GPR158: variants seen among roughly 807,000 people sequenced by gnomAD.
GPR158 encodes the protein G protein-coupled receptor 158, also known as metabotropic glycine receptor.
A neutral mutation model predicts 78.2 loss-of-function variants in GPR158; 30 were observed. That is an observed-to-expected ratio of 0.38 (90% CI 0.29 to 0.52). The LOEUF (loss-of-function observed/expected upper bound fraction) is 0.52. Among genes scored for constraint, GPR158 ranks in the 20% least tolerant of loss-of-function variants. The pLI, the probability that GPR158 is intolerant of heterozygous loss-of-function variation, is 0.83. For missense variants in GPR158, 1,463 were observed against 1,523.5 expected, an observed-to-expected ratio of 0.96 and a Z score of 0.66; for synonymous variants, 581 against 591.1, an observed-to-expected ratio of 0.98 and a Z score of 0.25.
chr10:25,600,763 G>GT lies in GPR158; in HGVS notation c.*1490dup, dbSNP rs1021898684. On this transcript the variant is annotated 3_prime_UTR_variant, in exon 11 of 11. Transcript: ENST00000376351. ...CCATTGTGAGCCACTTGCTCGACAT[G>GT]TAACATGTAAGGTCCATTTGCAAAG... 1.3e-4 allele frequency: 20 copies of GT among 152,526 alleles called. No individual in the cohort carries two copies. Among genetic ancestry groups the GT allele is most frequent in the Admixed American group, 1.1e-3 (17 of 15,276 alleles). The allele number at this position is 152,526 out of a possible 1,614,324, so 9.4% of individuals were successfully genotyped here.
intron 2 of GPR158, among the ~76,000 whole-genome samples, chr10:25,323,340 C>T (rs1854982717): frequency 6.6e-6 from 1 of 152,068 alleles, no homozygotes; most frequent in Non-Finnish European, 1.5e-5. Flanking sequence ...AACTCAAAGT[C>T]ACCAGCTGCA....
intron 6 of GPR158, among the ~76,000 whole-genome samples, chr10:25,562,539 CGTTAAGAGTATTT>C (rs1836873197): frequency 6.6e-6 from 1 of 152,126 alleles, no homozygotes; most frequent in Non-Finnish European, 1.5e-5. Flanking sequence ...TTAACCCATT[CGTTAAGAGTATTT>C]TGTTTAATGT....
chr10:25,565,807 G>GGCGA (rs1291421193), intron 6 of GPR158, among the ~76,000 whole-genome samples: 11 of 152,130 alleles, frequency 7.2e-5, no homozygotes, highest in African/African-American at 2.7e-4. Context: ...GGCTGACCGT[G>GGCGA]GTGAGTGATA....
chr10:25,360,354 G>A (rs1035829999), intron 2 of GPR158, among the ~76,000 whole-genome samples: 2 of 151,072 alleles, frequency 1.3e-5, no homozygotes, highest in East Asian at 3.9e-4. Flanking sequence ...GTATTGCCTA[G>A]GTTTTCTTCT....
Position 25,572,725 on chromosome 10 carries a change from G to T in GPR158, c.1591G>T (p.Ala531Ser), listed in dbSNP as rs751390976. 6.2e-7 allele frequency: 1 copy of T among 1,613,962 alleles called. No homozygotes were observed. Among genetic ancestry groups the T allele is most frequent in the Admixed American group, 1.7e-5 (1 of 60,006 alleles). Residue 531 changes from alanine to serine, a missense_variant, in exon 7 of 11, where the codon GCA (alanine) becomes TCA (serine). Ala to Ser is a moderately conservative substitution (Grantham distance 99). Transcript: ENST00000376351. ...MTGGRVMRML[A>S]VILLVVFWFL... ...TGGCGGACGGGTCATGAGGATGCTGGCAGTAATACTCTTGGTAGTGTTTTG... is the reference window on the plus strand; with the variant it reads ...TGGCGGACGGGTCATGAGGATGCTGTCAGTAATACTCTTGGTAGTGTTTTG...
intron 5 of GPR158, among the ~76,000 whole-genome samples, chr10:25,528,798 C>G (rs1334326426): frequency 6.6e-6 from 1 of 152,022 alleles, no homozygotes; most frequent in Non-Finnish European, 1.5e-5. Flanking sequence ...ATAAATGATG[C>G]AAACTAGCTA....
At chr10:25,221,726 G>A (rs1394751951) in intron 2 of GPR158, among the ~76,000 whole-genome samples, 1 of 152,202 alleles carries the variant, frequency 6.6e-6, no homozygotes, top group Non-Finnish European at 1.5e-5. Context: ...TGGAGATCAT[G>A]CTTCTGGAAA....
intron 2 of GPR158, among the ~76,000 whole-genome samples, chr10:25,255,158 A>G (rs553016328): frequency 5.3e-5 from 8 of 152,340 alleles, no homozygotes; most frequent in African/African-American, 1.7e-4. Flanking sequence ...TACTGAGAGC[A>G]ACACAAACAC....
intron 5 of GPR158, among the ~76,000 whole-genome samples, chr10:25,504,064 T>C (rs1358680406): frequency 6.6e-6 from 1 of 151,882 alleles, no homozygotes; most frequent in Admixed American, 6.6e-5. Flanking sequence ...CTAATTTTTG[T>C]ATTATTAATA....
intron 6 of GPR158, among the ~76,000 whole-genome samples, chr10:25,562,372 T>A (rs1442619118): frequency 6.6e-6 from 1 of 152,196 alleles, no homozygotes; most frequent in African/African-American, 2.4e-5. Flanking sequence ...GATTTTTAGT[T>A]CCTTAAAGTA....
intron 5 of GPR158, among the ~76,000 whole-genome samples, chr10:25,548,476 G>C (rs547288373): frequency 6.6e-5 from 10 of 152,264 alleles, no homozygotes; most frequent in African/African-American, 2.4e-4. Context: ...CATTGTACCA[G>C]GCACTGTGTT....
intron 2 of GPR158, among the ~76,000 whole-genome samples, chr10:25,328,817 A>C (rs1832633): frequency 0.81 from 122,666 of 150,582 alleles, 50,722 homozygotes; most frequent in African/African-American, 0.9. Context: ...ATCCCAGATG[A>C]TTGGGCAGCT....
chr10:25,264,985 T>A (rs2130737042), intron 2 of GPR158, among the ~76,000 whole-genome samples: 1 of 152,336 alleles, frequency 6.6e-6, no homozygotes, highest in Non-Finnish European at 1.5e-5. Flanking sequence ...TATGTATATA[T>A]CACCCTCTCA....
intron 5 of GPR158, among the ~76,000 whole-genome samples, chr10:25,480,546 T>C (rs982492012): frequency 1.0e-4 from 12 of 118,684 alleles, no homozygotes; most frequent in Non-Finnish European, 7.7e-5. Flanking sequence ...TTCTATGATA[T>C]TGCCTTTTCC....
At chr10:25,263,230 C>CT (rs1373205398) in intron 2 of GPR158, among the ~76,000 whole-genome samples, 10 of 152,256 alleles carry the variant, frequency 6.6e-5, no homozygotes, top group Non-Finnish European at 1.3e-4. Flanking sequence ...AAGTCTGTGC[C>CT]TAAATTATTT....
intron 5 of GPR158, among the ~76,000 whole-genome samples, chr10:25,532,708 G>A (rs1335208): frequency 0.53 from 79,399 of 150,912 alleles, 21,616 homozygotes; most frequent in African/African-American, 0.68. Flanking sequence ...GCATTGTTTC[G>A]TTCCTTTATT....
intron 7 of GPR158, among the ~76,000 whole-genome samples, chr10:25,574,017 G>A (rs1418022304): frequency 2.6e-5 from 4 of 151,840 alleles, no homozygotes; most frequent in African/African-American, 9.7e-5. Context: ...AAATTAAATT[G>A]TATAGATAAA....
chr10:25,398,070 T>C (rs991429738), intron 3 of GPR158, among the ~76,000 whole-genome samples: 1 of 152,080 alleles, frequency 6.6e-6, no homozygotes, highest in African/African-American at 2.4e-5. Context: ...TGCAGGGAAG[T>C]AAATTCTTCC....
intron 5 of GPR158, among the ~76,000 whole-genome samples, chr10:25,472,297 G>T (rs566768020): frequency 6.6e-6 from 1 of 151,510 alleles, no homozygotes; most frequent in Non-Finnish European, 1.5e-5. Context: ...ATTTCTGAGG[G>T]CTCTGTTCTG....
Sources: allele counts gnomAD v4.1 joint callset (sites outside exome capture counted in the v4.1 genomes callset), GRCh38; gene constraint gnomAD v4.1.1; transcripts MANE v1.5; gene names NCBI Gene and HGNC (gene_info 2026-07-23, HGNC 2026-07-21).